The following SUMF1 variants were observed in gnomAD, a reference collection of about 807,000 sequenced individuals.
The protein encoded by SUMF1 is formylglycine-generating enzyme.
SUMF1 carries 48 observed loss-of-function variants against 47.6 expected under a neutral mutation model. The observed-to-expected ratio is 1.01, with a 90% confidence interval of 0.80 to 1.28. The LOEUF (loss-of-function observed/expected upper bound fraction) is 1.28. Ranked by LOEUF, SUMF1 falls within the 50% of genes most tolerant of loss-of-function variation. The pLI, the probability that SUMF1 is intolerant of heterozygous loss-of-function variation, is 0.00. For synonymous variants in SUMF1, 230 were observed against 192.1 expected, an observed-to-expected ratio of 1.20 and a Z score of -1.63; for missense variants, 571 against 485.4, an observed-to-expected ratio of 1.18 and a Z score of -1.66.
chr3:4,039,072 C>G (rs952274327), intron 9 of SUMF1, among the ~76,000 whole-genome samples: 5 of 151,866 alleles, frequency 3.3e-5, no homozygotes, highest in Non-Finnish European at 7.4e-5. Context: ...AGCACTCCCC[C>G]CTTAATTTTT....
chr3:4,050,748 C>CAAAAAAAAAAAA (rs34228101), intron 9 of SUMF1, among the ~76,000 whole-genome samples: 2 of 86,860 alleles, frequency 2.3e-5, no homozygotes, highest in South Asian at 4.2e-4. Context: ...GACCCTGTCT[C>CAAAAAAAAAAAA]AAAAAAAAAA....
At chr3:4,376,205 G>T (rs1032551283) in intron 8 of SUMF1, 125 bp downstream of exon 8, 33 of 1,137,528 alleles carry the variant, frequency 2.9e-5, no homozygotes, top group Admixed American at 1.6e-4. Context: ...CTTTTTTTCT[G>T]GTTTCAGTGG....
At chr3:4,364,966 C>T (rs966464376) in intron 8 of SUMF1, among the ~76,000 whole-genome samples, 3 of 151,894 alleles carry the variant, frequency 2.0e-5, no homozygotes, top group African/African-American at 7.3e-5. Flanking sequence ...TTATTTCTGC[C>T]TTCATTTCAT....
chr3:4,367,865 C>A (rs1487108433), intron 8 of SUMF1, among the ~76,000 whole-genome samples: 1 of 151,414 alleles, frequency 6.6e-6, no homozygotes, highest in Non-Finnish European at 1.5e-5. Context: ...AAACGTTAGA[C>A]CTAAAGCCAT....
In SUMF1 at chr3:4,295,201, T is replaced by C. The variant is rs146475762; in HGVS notation, c.1014+81129A>G. 2.5e-3 allele frequency among the ~76,000 whole-genome samples: 388 copies of C among 152,168 alleles called. 4 individuals are homozygous for C. The highest frequency in any genetic ancestry group is 8.7e-3 in the African/African-American group (363 of 41,510). On this transcript the variant is annotated intron_variant and NMD_transcript_variant, in intron 8 of 12. Transcript: ENST00000448413. ...AATGCTAGAACTGGGGCTGGGAAGC[T>C]ACCAGAGTGAGAATGCCAGGGGCCT...
intron 1 of SUMF1, among the ~76,000 whole-genome samples, chr3:4,455,388 C>A (rs1553588387): frequency 2.0e-5 from 3 of 152,232 alleles, no homozygotes; most frequent in African/African-American, 2.4e-5. Flanking sequence ...AAAATCTGAA[C>A]AGACTGATAA....
At chr3:4,042,993 C>CT (rs1281266919) in intron 9 of SUMF1, among the ~76,000 whole-genome samples, 1 of 152,152 alleles carries the variant, frequency 6.6e-6, no homozygotes, top group Non-Finnish European at 1.5e-5. Context: ...ACAGGAGCTC[C>CT]TGTCTCCTCT....
chr3:4,353,551 C>T (rs1326976462), intron 8 of SUMF1, among the ~76,000 whole-genome samples: 1 of 152,208 alleles, frequency 6.6e-6, no homozygotes, highest in Admixed American at 6.5e-5. Context: ...TGCGCCCGGC[C>T]TAATTTTTTA....
intron 1 of SUMF1, among the ~76,000 whole-genome samples, chr3:4,464,296 A>T (rs1394528621): frequency 6.6e-6 from 1 of 151,454 alleles, no homozygotes; most frequent in African/African-American, 2.4e-5. Flanking sequence ...TTGAGGCACT[A>T]CTCGACTTGT....
At chr3:4,094,926 G>T (rs1194902097) in intron 8 of SUMF1, among the ~76,000 whole-genome samples, 1 of 152,088 alleles carries the variant, frequency 6.6e-6, no homozygotes, top group Non-Finnish European at 1.5e-5. Flanking sequence ...CCTACTTTGA[G>T]GAGGCATCTC....
At chr3:4,225,662 C>T (rs901298814) in intron 8 of SUMF1, among the ~76,000 whole-genome samples, 7 of 152,244 alleles carry the variant, frequency 4.6e-5, no homozygotes, top group African/African-American at 1.7e-4. Flanking sequence ...GATCAATCCA[C>T]GTCTCAGTGA....
chr3:4,445,085 A>G (rs1270357552), intron 3 of SUMF1, among the ~76,000 whole-genome samples: 1 of 152,212 alleles, frequency 6.6e-6, no homozygotes, highest in African/African-American at 2.4e-5. Flanking sequence ...GCTGATAGAT[A>G]TGTTCTAAAA....
At position 4,058,644 on chromosome 3, in the gene SUMF1, T is replaced by C. The variant is rs1199475572; in HGVS notation, c.1191+9925A>G. Among the ~76,000 whole-genome samples, 3 of 152,182 alleles carry C rather than the reference T, an allele frequency of 2.0e-5. No individual in the cohort carries two copies. In the East Asian group the frequency reaches 5.8e-4, roughly 29 times the overall value. Reference sequence around the variant, plus strand: ...CATATAGGAGATGAGTTCCTCAAGATAATATGTTGACATAGTATCTTTAAG... The same window carrying C: ...CATATAGGAGATGAGTTCCTCAAGACAATATGTTGACATAGTATCTTTAAG... On this transcript the variant is annotated intron_variant and NMD_transcript_variant, in intron 9 of 12. Coordinates refer to the SUMF1 transcript ENST00000448413.
chr3:4,408,366 G>A (rs1378827792), intron 7 of SUMF1, among the ~76,000 whole-genome samples: 1 of 152,130 alleles, frequency 6.6e-6, no homozygotes, highest in Non-Finnish European at 1.5e-5. Flanking sequence ...ACAGTAAACT[G>A]TTAACATTAT....
At chr3:4,102,117 G>T (rs1240584243) in intron 8 of SUMF1, among the ~76,000 whole-genome samples, 1 of 152,162 alleles carries the variant, frequency 6.6e-6, no homozygotes, top group East Asian at 1.9e-4. Context: ...ACGATATGTG[G>T]AGATTACGGG....
chr3:4,103,532 G>T (rs956633357), intron 8 of SUMF1, among the ~76,000 whole-genome samples: 22 of 152,200 alleles, frequency 1.4e-4, no homozygotes, highest in Non-Finnish European at 2.6e-4. Context: ...GTCCTAGAAT[G>T]TTCCTTGATA....
rs532433248 is a variant in SUMF1 at position 4,382,895 on chromosome 3, G to T, written c.955-6506C>A. The stretch of plus-strand genomic sequence containing the variant: ...TGAGAACACATGGACACAGGGAGGG[G>T]AACATCACACACTGGGGCCTGTCAG... On this transcript the variant is annotated intron_variant, in intron 7 of 8. Coordinates refer to ENST00000272902, the MANE Select transcript of SUMF1 (RefSeq NM_182760.4). Among the ~76,000 whole-genome samples the T allele has an allele frequency of 1.5e-3, 233 of 152,192 alleles. 1 individual carries two copies. Among genetic ancestry groups the T allele is most frequent in the African/African-American group, 5.5e-3 (227 of 41,504 alleles).
At chr3:4,039,947 C>T (rs1694880747) in intron 9 of SUMF1, among the ~76,000 whole-genome samples, 1 of 151,986 alleles carries the variant, frequency 6.6e-6, no homozygotes, top group Non-Finnish European at 1.5e-5. Context: ...CACTTGAGCC[C>T]AGGAGTTAAG....
intron 8 of SUMF1, among the ~76,000 whole-genome samples, chr3:4,367,744 C>T (rs1575140042): frequency 6.6e-6 from 1 of 152,212 alleles, no homozygotes; most frequent in African/African-American, 2.4e-5. Context: ...GAAAGGATTC[C>T]CTATTTAATA....
Sources: allele counts gnomAD v4.1 joint callset (sites outside exome capture counted in the v4.1 genomes callset), GRCh38; gene constraint gnomAD v4.1.1; transcripts MANE v1.5; gene names NCBI Gene and HGNC (gene_info 2026-07-23, HGNC 2026-07-21).